Variants in DGLUCY observed in about 807,000 individuals in gnomAD.
DGLUCY encodes D-glutamate cyclase, mitochondrial.
DGLUCY carries 58 observed loss-of-function variants against 58.5 expected under a neutral mutation model. That is an observed-to-expected ratio of 0.99 (90% CI 0.80 to 1.23). The LOEUF is 1.23. Among genes scored for constraint, DGLUCY ranks in the 50% most tolerant of loss-of-function variants. The pLI is 0.00. For missense variants in DGLUCY, 779 were observed against 784.7 expected (o/e 0.99, Z 0.09); for synonymous variants, 325 against 314.1 (o/e 1.03, Z -0.37).
At chr14:91,220,333 G>A (rs1299401521) in intron 13 of DGLUCY, 7 of 378,094 alleles carry the variant, frequency 1.9e-5, no homozygotes, top group Non-Finnish European at 3.2e-5. Context: ...TAAAGCACCT[G>A]GCATAGTATC....
chr14:91,137,828 A>G (rs1321858238), intron 1 of DGLUCY, among the ~76,000 whole-genome samples: 2 of 151,990 alleles, frequency 1.3e-5, no homozygotes, highest in African/African-American at 4.8e-5. Context: ...GAGGAATTCT[A>G]GTTTCTATGG....
intron 8 of DGLUCY, among the ~76,000 whole-genome samples, chr14:91,187,258 A>G (rs1212484925): frequency 6.6e-6 from 1 of 152,074 alleles, no homozygotes; most frequent in Non-Finnish European, 1.5e-5. Context: ...TCAGGCTCCC[A>G]AAGTGCTGGG....
intron 1 of DGLUCY, among the ~76,000 whole-genome samples, chr14:91,082,609 CAATT>C (rs1167258780): frequency 6.6e-6 from 1 of 152,134 alleles, no homozygotes; most frequent in East Asian, 1.9e-4. Context: ...TTGAAGATGA[CAATT>C]AATTGCAAGC....
In DGLUCY at chr14:91,074,159, A is replaced by ACACACG. The variant is rs2043974430; in HGVS notation, c.-82+13457_-82+13458insCACGCA. The stretch of plus-strand genomic sequence containing the variant: ...CACACACACACACACACACACACAC[A>ACACACG]CAGTCAAGCACCTGTATTCCCAGCT... On this transcript the variant is annotated intron_variant, in intron 1 of 4. Coordinates refer to the DGLUCY transcript ENST00000521334. Among the ~76,000 whole-genome samples the ACACACG allele has an allele frequency of 2.0e-5, 3 of 146,868 alleles. No homozygotes were observed. In the Admixed American group the frequency reaches 2.0e-4, roughly 10 times the overall value.
intron 12 of DGLUCY, among the ~76,000 whole-genome samples, chr14:91,212,143 G>C (rs571051378): frequency 6.6e-6 from 1 of 152,176 alleles, no homozygotes; most frequent in African/African-American, 2.4e-5. Flanking sequence ...GGCATTATCC[G>C]TGAAAGAAAC....
intron 1 of DGLUCY, among the ~76,000 whole-genome samples, chr14:91,102,785 GTT>G (rs1491276245): frequency 6.6e-6 from 1 of 150,546 alleles, no homozygotes; most frequent in Non-Finnish European, 1.5e-5. Flanking sequence ...GTGTGTGTGT[GTT>G]TGAGACTGAG....
At chr14:91,091,349 C>T (rs1324971231) in intron 1 of DGLUCY, among the ~76,000 whole-genome samples, 4 of 151,992 alleles carry the variant, frequency 2.6e-5, no homozygotes, top group South Asian at 2.1e-4. Context: ...GGTAAAACCC[C>T]GTCTTTACTA....
chr14:91,063,379 T>G (rs1795787934), intron 1 of DGLUCY, among the ~76,000 whole-genome samples: 2 of 152,136 alleles, frequency 1.3e-5, no homozygotes, highest in Admixed American at 6.5e-5. Context: ...AGAAAACTCC[T>G]TGCATAATCA....
chr14:91,142,893 G>GGT (rs1370654832), intron 1 of DGLUCY, among the ~76,000 whole-genome samples: 1 of 149,300 alleles, frequency 6.7e-6, no homozygotes, highest in Non-Finnish European at 1.5e-5. Context: ...TAGCCGGCGT[G>GGT]GTGGTGCATG....
intron 1 of DGLUCY, among the ~76,000 whole-genome samples, chr14:91,143,049 A>G (rs75948559): frequency 7.4e-6 from 1 of 134,782 alleles, no homozygotes; most frequent in Middle Eastern, 3.9e-3. Flanking sequence ...AAAAAAAAAA[A>G]GGATCTAATG....
intron 7 of DGLUCY, among the ~76,000 whole-genome samples, chr14:91,176,449 C>A (rs2048858487): frequency 6.6e-6 from 1 of 152,162 alleles, no homozygotes. Flanking sequence ...TGGTCTCAAT[C>A]TCCTGACCTC....
intron 1 of DGLUCY, among the ~76,000 whole-genome samples, chr14:91,128,515 A>G (rs1478228827): frequency 1.3e-5 from 2 of 152,018 alleles, no homozygotes; most frequent in African/African-American, 2.4e-5. Flanking sequence ...ATAAAATAAA[A>G]CAAAAAATAA....
chr14:91,222,403 A>G (rs1040126702), intron 13 of DGLUCY, among the ~76,000 whole-genome samples: 6 of 152,186 alleles, frequency 3.9e-5, no homozygotes, highest in Non-Finnish European at 4.4e-5. Context: ...AGTCCCAGAA[A>G]CATTCCCCCA....
At chr14:91,208,812 G>A (rs1054060444) in intron 12 of DGLUCY, among the ~76,000 whole-genome samples, 3 of 152,142 alleles carry the variant, frequency 2.0e-5, no homozygotes, top group Non-Finnish European at 2.9e-5. Flanking sequence ...GGAAGAATTA[G>A]CAATGTTTTG....
chr14:91,088,984 G>C (rs1197248909), intron 1 of DGLUCY, among the ~76,000 whole-genome samples: 2 of 152,206 alleles, frequency 1.3e-5, no homozygotes, highest in Admixed American at 1.3e-4. Context: ...CATTTAACAA[G>C]CTAGTGGTTA....
intron 8 of DGLUCY, among the ~76,000 whole-genome samples, chr14:91,184,104 G>T (rs2049343598): frequency 6.6e-6 from 1 of 152,054 alleles, no homozygotes; most frequent in Non-Finnish European, 1.5e-5. Flanking sequence ...AGAGCTGAGG[G>T]GTGAGGCCAG....
intron 9 of DGLUCY, among the ~76,000 whole-genome samples, chr14:91,193,725 C>T (rs1435305923): frequency 1.3e-5 from 2 of 151,964 alleles, no homozygotes; most frequent in African/African-American, 4.8e-5. Context: ...GCCTGTAGTC[C>T]TAGCTACTAG....
intron 1 of DGLUCY, among the ~76,000 whole-genome samples, chr14:91,108,457 CTG>C (rs1691285593): frequency 7.0e-6 from 1 of 143,354 alleles, no homozygotes; most frequent in South Asian, 2.3e-4. Context: ...AGACTTGACT[CTG>C]TGGTCACTGG....
intron 1 of DGLUCY, among the ~76,000 whole-genome samples, chr14:91,090,051 C>A (rs936881894): frequency 1.3e-5 from 2 of 152,118 alleles, no homozygotes; most frequent in African/African-American, 4.8e-5. Flanking sequence ...ACAAGTGGGG[C>A]CCTGACGAAG....
Sources: gnomAD v4.1 joint callset for allele counts (sites outside exome capture counted in the v4.1 genomes callset) on GRCh38, gnomAD v4.1.1 for gene constraint, MANE v1.5 for transcripts, NCBI Gene and HGNC (gene_info 2026-07-23, HGNC 2026-07-21) for gene names.